CDH18: variants seen among roughly 807,000 people sequenced by gnomAD.
CDH18 encodes the protein cadherin-18.
In CDH18, 31 loss-of-function variants were observed where a neutral mutation model predicts 67.9. The observed-to-expected ratio is 0.46, with a 90% CI of 0.34 to 0.62. CDH18 has a LOEUF of 0.62. Among genes scored for constraint, CDH18 ranks in the 20% least tolerant of loss-of-function variants. The probability of loss-of-function intolerance (pLI) is 0.01; values close to 1 mark genes in which losing one functional copy is unlikely to be tolerated. For missense variants in CDH18, 890 were observed against 975.5 expected (o/e 0.91, Z 1.17); for synonymous variants, 362 against 347.2 (o/e 1.04, Z -0.48).
At chr5:19,692,986 T>C (rs923542967) in intron 5 of CDH18, among the ~76,000 whole-genome samples, 1 of 152,076 alleles carries the variant, frequency 6.6e-6, no homozygotes, top group Non-Finnish European at 1.5e-5. Flanking sequence ...AGCTATGGAA[T>C]CAACCTAAGT....
chr5:20,023,704 A>C (rs1055932262), intron 2 of CDH18, among the ~76,000 whole-genome samples: 1 of 151,946 alleles, frequency 6.6e-6, no homozygotes, highest in African/African-American at 2.4e-5. Flanking sequence ...ATGTACTGAT[A>C]CTTTCAAGAA....
At chr5:20,271,072 G>A (rs932870706) in intron 1 of CDH18, among the ~76,000 whole-genome samples, 4 of 151,914 alleles carry the variant, frequency 2.6e-5, no homozygotes, top group African/African-American at 7.3e-5. Flanking sequence ...AATTTGTGCA[G>A]CAAACTTCCA....
intron 1 of CDH18, among the ~76,000 whole-genome samples, chr5:20,557,148 T>A (rs1757949317): frequency 6.6e-6 from 1 of 152,036 alleles, no homozygotes; most frequent in Non-Finnish European, 1.5e-5. Context: ...ATGTTAATTA[T>A]CAACTTTGTG....
intron 1 of CDH18, among the ~76,000 whole-genome samples, chr5:20,320,859 C>T (rs1190609962): frequency 6.6e-6 from 1 of 152,104 alleles, no homozygotes; most frequent in African/African-American, 2.4e-5. Flanking sequence ...GCACTGCAGG[C>T]AACTCTAGTG....
chr5:20,319,287 A>T (rs1426694680), intron 1 of CDH18, among the ~76,000 whole-genome samples: 1 of 152,100 alleles, frequency 6.6e-6, no homozygotes, highest in East Asian at 1.9e-4. Flanking sequence ...ATTTTAGGTG[A>T]TCTGTGATTA....
intron 2 of CDH18, among the ~76,000 whole-genome samples, chr5:19,940,844 T>C (rs1273756662): frequency 2.0e-5 from 3 of 152,214 alleles, no homozygotes; most frequent in Non-Finnish European, 1.5e-5. Context: ...TTATTCTGTA[T>C]TGTTTGCATA....
At chr5:20,472,190 T>A (rs941648125) in intron 1 of CDH18, among the ~76,000 whole-genome samples, 18 of 152,348 alleles carry the variant, frequency 1.2e-4, no homozygotes, top group Admixed American at 3.3e-4. Context: ...AGCAGAAGTG[T>A]CTCATGTTAA....
intron 8 of CDH18, among the ~76,000 whole-genome samples, chr5:19,546,276 T>C (rs16885826): frequency 0.015 from 2,248 of 151,078 alleles, 56 homozygotes; most frequent in African/African-American, 0.051. Context: ...GTTAAGACAA[T>C]TGATTGATAT....
intron 2 of CDH18, among the ~76,000 whole-genome samples, chr5:20,094,463 T>C (rs919755020): frequency 5.3e-5 from 8 of 152,214 alleles, no homozygotes; most frequent in African/African-American, 1.9e-4. Flanking sequence ...TTTGGTTCCA[T>C]ATGAAATTTA....
chr5:19,867,619 T>C (rs1205354524), intron 2 of CDH18, among the ~76,000 whole-genome samples: 2 of 110,412 alleles, frequency 1.8e-5, no homozygotes, highest in Non-Finnish European at 4.0e-5. Context: ...GAAAGGGTCT[T>C]ATTTTAGAAT....
intron 2 of CDH18, among the ~76,000 whole-genome samples, chr5:19,949,008 C>A (rs1481953461): frequency 6.6e-6 from 1 of 152,086 alleles, no homozygotes; most frequent in Non-Finnish European, 1.5e-5. Context: ...CATACATTTT[C>A]AAACATGATT....
chr5:19,811,793 T>C (rs1231051117), intron 3 of CDH18, among the ~76,000 whole-genome samples: 1 of 151,864 alleles, frequency 6.6e-6, no homozygotes, highest in African/African-American at 2.4e-5. Flanking sequence ...AACAAAACAA[T>C]AGTGGAAAAA....
chr5:19,582,377 G>A (rs187277346), intron 7 of CDH18, among the ~76,000 whole-genome samples: 2 of 152,032 alleles, frequency 1.3e-5, no homozygotes, highest in African/African-American at 4.8e-5. Context: ...AGGAATATAT[G>A]TGTCAAAACA....
chr5:19,757,966 A>C (rs1056208336), intron 3 of CDH18, among the ~76,000 whole-genome samples: 5 of 152,068 alleles, frequency 3.3e-5, no homozygotes, highest in Non-Finnish European at 7.4e-5. Flanking sequence ...ATCGTGCAGA[A>C]CCATCTGTGA....
At chr5:19,692,898 C>CA (rs1187956981) in intron 5 of CDH18, among the ~76,000 whole-genome samples, 1 of 151,684 alleles carries the variant, frequency 6.6e-6, no homozygotes, top group Non-Finnish European at 1.5e-5. Flanking sequence ...TATACATTTC[C>CA]AAAAGAAAGG....
intron 2 of CDH18, among the ~76,000 whole-genome samples, chr5:19,960,485 T>C (rs1176561717): frequency 1.3e-5 from 2 of 151,206 alleles, no homozygotes; most frequent in Admixed American, 6.6e-5. Context: ...TCATCTCCTA[T>C]GATAACAACA....
chr5:20,326,732 A>G (rs1580758474), intron 1 of CDH18, among the ~76,000 whole-genome samples: 1 of 152,088 alleles, frequency 6.6e-6, no homozygotes, highest in East Asian at 1.9e-4. Context: ...TAGTAAAGAC[A>G]GGGTTTCACC....
chr5:19,721,450 C>T lies in CDH18; in HGVS notation c.540G>A (p.Gln180=). 6.2e-7 allele frequency: 1 copy of T among 1,611,316 alleles called. No individual in the cohort carries two copies. The highest frequency in any genetic ancestry group is 8.5e-7 in the Non-Finnish European group (1 of 1,177,938). ...EMSDMGTSVL[Q]VTATDADDPT... ...GGTCATCTGCATCAGTAGCTGTCACCTGTAGAACAGAGGTACCTGTGCATT... is the reference window on the plus strand; with the variant it reads ...GGTCATCTGCATCAGTAGCTGTCACTTGTAGAACAGAGGTACCTGTGCATT... The change falls in exon 5 of 13, where the codon CAG becomes CAA. Residue 180 remains glutamine, a synonymous_variant. Coordinates refer to ENST00000382275, the MANE Select transcript of CDH18 (RefSeq NM_004934.5).
chr5:20,362,198 T>C (rs1347096690), intron 1 of CDH18, among the ~76,000 whole-genome samples: 2 of 152,094 alleles, frequency 1.3e-5, no homozygotes, highest in African/African-American at 2.4e-5. Context: ...TCTTGAGAAA[T>C]AGACACATAA....
Sources: gnomAD v4.1 joint callset for allele counts (sites outside exome capture counted in the v4.1 genomes callset) on GRCh38, gnomAD v4.1.1 for gene constraint, MANE v1.5 for transcripts, NCBI Gene and HGNC (gene_info 2026-07-23, HGNC 2026-07-21) for gene names.